The following HNRNPU variants were observed in gnomAD, a reference collection of about 807,000 sequenced individuals.
The protein encoded by HNRNPU is heterogeneous nuclear ribonucleoprotein U.
In HNRNPU, 5 loss-of-function variants were observed where a neutral mutation model predicts 94.7. The observed-to-expected ratio is 0.05, with a 90% CI of 0.03 to 0.11. The LOEUF (loss-of-function observed/expected upper bound fraction) is 0.11, where lower values mean the gene tolerates loss of function less well. HNRNPU is among the 10% of genes least tolerant of loss of function. The probability of loss-of-function intolerance (pLI) is 1.00; values close to 1 mark genes in which losing one functional copy is unlikely to be tolerated. For missense variants in HNRNPU, 710 were observed against 1,049.2 expected (o/e 0.68, Z 4.47); for synonymous variants, 434 against 381.6 (o/e 1.14, Z -1.60).
Position 244,858,251 on chromosome 1 carries a change from T to C in HNRNPU, c.1254A>G (p.Glu418=), listed in dbSNP as rs1336274077. 1.2e-6 allele frequency: 2 copies of C among 1,613,832 alleles called. No homozygotes were observed. The highest frequency in any genetic ancestry group is 1.7e-5 in the Admixed American group (1 of 59,984). ...CTTGTCCATTCTTAGCATACGAGAG[T>C]TCTACTTCATCACTTTCAAAGTTCT... is the stretch of plus-strand genomic sequence containing the variant. ...CFANFESDEV[E]LSYAKNGQDL... is the part of the protein sequence containing the mutation. Residue 418 remains glutamate (E), a synonymous_variant, in exon 7 of 14, where the codon GAA becomes GAG. Transcript: ENST00000640218.
rs769350097 is a variant in HNRNPU at position 244,858,213 on chromosome 1, G to C, written c.1292C>G (p.Ala431Gly). The C allele has an allele frequency of 3.5e-5, 56 of 1,613,924 alleles. No individual in the cohort carries two copies. The highest frequency in any genetic ancestry group is 4.6e-5 in the Non-Finnish European group (54 of 1,179,836). Reference protein sequence around the residue: ...YAKNGQDLGVAFKISKEVLAG... With the variant: ...YAKNGQDLGVGFKISKEVLAG... ...AAGAACTTCCTTACTGATTTTGAAG[G>C]CAACGCCAAGATCTTGTCCATTCTT... Residue 431 changes from alanine to glycine, a missense_variant, in exon 7 of 14, where the codon GCC becomes GGC. Physicochemically the swap from Ala to Gly is moderately conservative, Grantham distance 60. Coordinates refer to ENST00000640218, the MANE Select transcript of HNRNPU (RefSeq NM_031844.3).
intron 6 of HNRNPU, 126 bp from the exon 7 acceptor site, chr1:244,858,400 C>A: frequency 1.2e-6 from 1 of 811,704 alleles, no homozygotes; most frequent in East Asian, 2.7e-5. Context: ...ATTAGGTGGC[C>A]TTTAAGGGCT....
intron 8 of HNRNPU, chr1:244,857,081 C>CG: frequency 5.1e-6 from 2 of 391,482 alleles, no homozygotes; most frequent in Non-Finnish European, 9.0e-6. Flanking sequence ...AAAAACACTA[C>CG]GGAAAAAAAC....
chr1:244,855,729 G>T, intron 11 of HNRNPU, 121 bp from the exon 12 acceptor site: 1 of 1,309,276 alleles, frequency 7.6e-7, no homozygotes, highest in Non-Finnish European at 1.1e-6. Flanking sequence ...CAAAAGAAAT[G>T]TTTAATTCTA....
rs1680574152 is a variant in HNRNPU, at chr1:244,852,520, T to C, written c.*1930A>G. On this transcript the variant is annotated 3_prime_UTR_variant, in exon 14 of 14. Transcript: ENST00000640218. ...TGAAACTGTTCCTCTAGTAAGTCTATGCAATCCTAATAATGTATACTGAAG... is the reference window on the plus strand; with the variant it reads ...TGAAACTGTTCCTCTAGTAAGTCTACGCAATCCTAATAATGTATACTGAAG... 1 of 152,192 alleles carries C rather than the reference T, an allele frequency of 6.6e-6. No homozygotes were observed. The highest frequency in any genetic ancestry group is 1.5e-5 in the Non-Finnish European group (1 of 68,020). 9.4% of individuals were successfully genotyped at this position (152,192 alleles called of 1,614,324 possible).
At chr1:244,856,291 T>A in intron 10 of HNRNPU, 133 bp from the exon 11 acceptor site, 1 of 1,140,028 alleles carries the variant, frequency 8.8e-7, no homozygotes, top group East Asian at 2.4e-5. Flanking sequence ...TATGCATATG[T>A]AACAACTGCA....
At position 244,853,046 on chromosome 1, in the gene HNRNPU, CCA is replaced by C. The variant is rs998133982; in HGVS notation, c.*1402_*1403del. 2 of 152,432 alleles carry C rather than the reference CCA, an allele frequency of 1.3e-5. No homozygotes were observed. Among genetic ancestry groups the C allele is most frequent in the African/African-American group, 4.8e-5 (2 of 41,380 alleles). 9.4% of individuals were successfully genotyped at this position (152,432 alleles called of 1,614,324 possible). A position where few individuals can be genotyped will look rare whatever the true frequency, so the allele number is the denominator to read the frequency against. ...TGATGGCTTCTAAAAGCATCTGATCCCAGAGTTTCATGTATCATATATATGTA... is the reference window on the plus strand; with the variant it reads ...TGATGGCTTCTAAAAGCATCTGATCCGAGTTTCATGTATCATATATATGTA... On this transcript the variant is annotated 3_prime_UTR_variant, in exon 14 of 14. Transcript: ENST00000640218.
At position 244,853,333 on chromosome 1, in the gene HNRNPU, T is replaced by G. The variant is rs1680595805; in HGVS notation, c.*1117A>C. The G allele has an allele frequency of 6.5e-6, 1 of 152,684 alleles. No individual in the cohort carries two copies. Among genetic ancestry groups the G allele is most frequent in the African/African-American group, 2.4e-5 (1 of 41,564 alleles). The allele number at this position is 152,684 out of a possible 1,614,324, so 9.5% of individuals were successfully genotyped here. On this transcript the variant is annotated 3_prime_UTR_variant, in exon 14 of 14. Transcript: ENST00000640218. ...CACACACTTAATAAATTTCTCCTCTTGGGAGTTATATAAAGGGATTTTGAA... is the reference window on the plus strand; with the variant it reads ...CACACACTTAATAAATTTCTCCTCTGGGGAGTTATATAAAGGGATTTTGAA...
In HNRNPU at chr1:244,862,452, T is replaced by C. The variant is rs1233865263; in HGVS notation, c.877+9A>G. The C allele has an allele frequency of 6.4e-7, 1 of 1,566,056 alleles. No individual in the cohort carries two copies. The highest frequency in any genetic ancestry group is 1.7e-5 in the Admixed American group (1 of 57,942). ...CATTTCATAATTGGGGAGAAACAGCTTCACTTACAAGTATCAAGACAAACC... is the reference window on the plus strand; with the variant it reads ...CATTTCATAATTGGGGAGAAACAGCCTCACTTACAAGTATCAAGACAAACC... On this transcript the variant is annotated intron_variant, in intron 3 of 13. Coordinates refer to ENST00000640218, the MANE Select transcript of HNRNPU (RefSeq NM_031844.3).
chr1:244,863,739 G>A lies in HNRNPU; in HGVS notation c.569C>T (p.Pro190Leu). The change falls in exon 1 of 14, where the codon CCC becomes CTC. Residue 190 changes from proline to leucine, a missense_variant. By Grantham distance (98) the Pro-to-Leu change is moderately conservative (BLOSUM62 -3). Transcript: ENST00000640218. Reference sequence around the variant, plus strand: ...CACCGTCACCGCGAACAGCGAGGTGGGGCCGCTGCTCTTCCCCGCGGCCTC... The same window carrying A: ...CACCGTCACCGCGAACAGCGAGGTGAGGCCGCTGCTCTTCCCCGCGGCCTC... ...AKEAAGKSSG[P>L]TSLFAVTVAP... 1 of 1,574,646 alleles carries A rather than the reference G, an allele frequency of 6.4e-7. No homozygotes were observed.
chr1:244,860,740 C>G (rs1297877675), intron 3 of HNRNPU: 1 of 521,952 alleles, frequency 1.9e-6, no homozygotes, highest in African/African-American at 2.0e-5. Flanking sequence ...ATAATCAAGA[C>G]AATGTGACAT....
intron 3 of HNRNPU, chr1:244,861,995 G>A (rs1406093627): frequency 3.3e-5 from 5 of 153,082 alleles, no homozygotes; most frequent in Non-Finnish European, 1.5e-5. Flanking sequence ...CAAAAGAGCA[G>A]TTATTGAAAA....
chr1:244,859,254 T>G, intron 5 of HNRNPU, 21 bp downstream of exon 5: 1 of 1,241,316 alleles, frequency 8.1e-7, no homozygotes, highest in East Asian at 2.3e-5. Context: ...TGAGCCCACA[T>G]CAGTCAAAAA....
Position 244,863,933 on chromosome 1 carries a change from C to T in HNRNPU, c.375G>A (p.Glu125=), listed in dbSNP as rs752671029. ...CGCCGTTCTCGTCTTCCGAGGCGGC[C>T]TCCTCCTCCTCCATCGGGCCCGAGT... The part of the protein sequence containing the change: ...AADSGPMEEE[E]AASEDENGDD... Residue 125 remains glutamate (E), a synonymous_variant, in exon 1 of 14, where the codon GAG becomes GAA. Coordinates refer to ENST00000640218, the MANE Select transcript of HNRNPU (RefSeq NM_031844.3). The T allele has an allele frequency of 3.6e-5, 58 of 1,613,136 alleles. 1 individual carries two copies. The South Asian group carries it at 6.2e-4, about 17-fold the overall frequency.
intron 1 of HNRNPU, 67 bp downstream of exon 1, chr1:244,863,550 G>A (rs1486784389): frequency 1.2e-5 from 16 of 1,299,598 alleles, no homozygotes; most frequent in East Asian, 3.2e-5. Flanking sequence ...GGCTCCGGCA[G>A]GCCTGGGGCA....
intron 8 of HNRNPU, chr1:244,857,063 A>T: frequency 2.3e-6 from 1 of 437,514 alleles, no homozygotes; most frequent in African/African-American, 2.1e-5. Flanking sequence ...GCTAGATGTT[A>T]AGAGCTCAAA....
intron 3 of HNRNPU, 66 bp downstream of exon 3, chr1:244,862,395 T>TAA (rs56937404): frequency 0.22 from 169,925 of 781,260 alleles, 2,935 homozygotes; most frequent in East Asian, 0.22. Context: ...TTAAGACTTC[T>TAA]AAAAAAAAAA....
In HNRNPU at chr1:244,862,604, G is replaced by A; in HGVS notation, c.803+15C>T. ...ACGAATAAGGGATGAGTAAAACTAG[G>A]TGAGCATCCTATACCTGCTATACTT... On this transcript the variant is annotated intron_variant, in intron 2 of 13. Coordinates refer to ENST00000640218, the MANE Select transcript of HNRNPU (RefSeq NM_031844.3). 6.2e-7 allele frequency: 1 copy of A among 1,604,282 alleles called. No individual in the cohort carries two copies. The highest frequency in any genetic ancestry group is 8.5e-7 in the Non-Finnish European group (1 of 1,171,032).
intron 6 of HNRNPU, 58 bp from the exon 7 acceptor site, chr1:244,858,332 A>T: frequency 6.7e-7 from 1 of 1,493,398 alleles, no homozygotes; most frequent in Non-Finnish European, 9.1e-7. Context: ...TTTCTAAAAA[A>T]CTAAGAATTA....
Sources: allele counts gnomAD v4.1 joint callset, GRCh38; gene constraint gnomAD v4.1.1; transcripts MANE v1.5; gene names NCBI Gene and HGNC (gene_info 2026-07-23, HGNC 2026-07-21).